The following DGKB variants were observed in gnomAD, a reference collection of about 807,000 sequenced individuals.
The protein encoded by DGKB is 90 kDa diacylglycerol kinase.
Under a neutral mutation model 114.3 loss-of-function variants are expected in DGKB, and 67 were observed. That is an observed-to-expected ratio of 0.59 (90% confidence interval 0.48 to 0.72). The LOEUF is 0.72. DGKB is among the 30% of genes least tolerant of loss of function. DGKB has a pLI of 0.00. For synonymous variants in DGKB, 398 were observed against 323.1 expected, an observed-to-expected ratio of 1.23 and a Z score of -2.49; for missense variants, 907 against 975.2, an observed-to-expected ratio of 0.93 and a Z score of 0.93.
At chr7:14,371,076 G>A (rs1307712679) in intron 21 of DGKB, among the ~76,000 whole-genome samples, 4 of 152,120 alleles carry the variant, frequency 2.6e-5, no homozygotes, top group Non-Finnish European at 5.9e-5. Context: ...CCACAGATGG[G>A]CACCTAGGTT....
intron 1 of DGKB, among the ~76,000 whole-genome samples, chr7:14,860,666 TGTTA>T (rs1372239855): frequency 6.6e-6 from 1 of 151,902 alleles, no homozygotes; most frequent in Non-Finnish European, 1.5e-5. Flanking sequence ...TGATTTTTAC[TGTTA>T]GTTAGTTATT....
chr7:14,544,001 A>C (rs12699643), intron 20 of DGKB, among the ~76,000 whole-genome samples: 20,682 of 152,240 alleles, frequency 0.14, 1,867 homozygotes, highest in Non-Finnish European at 0.2. Flanking sequence ...TGTCTTATTA[A>C]ATAAATTGTA....
chr7:14,918,009 G>A (rs760230955), intron 1 of DGKB, among the ~76,000 whole-genome samples: 1 of 151,874 alleles, frequency 6.6e-6, no homozygotes, highest in South Asian at 2.1e-4. Context: ...AAAATTATAC[G>A]ATCATATTAA....
chr7:14,861,004 A>C (rs868622656), intron 1 of DGKB, among the ~76,000 whole-genome samples: 1 of 151,960 alleles, frequency 6.6e-6, no homozygotes, highest in African/African-American at 2.4e-5. Context: ...GCTATTAATA[A>C]TCACTTTCTT....
At chr7:14,372,940 G>C (rs529562832) in intron 21 of DGKB, among the ~76,000 whole-genome samples, 2 of 152,042 alleles carry the variant, frequency 1.3e-5, no homozygotes, top group African/African-American at 4.8e-5. Context: ...CCCCTTCTGG[G>C]AGCAAGGTGG....
intron 14 of DGKB, among the ~76,000 whole-genome samples, chr7:14,624,378 T>C (rs1338370189): frequency 6.6e-6 from 1 of 152,228 alleles, no homozygotes; most frequent in African/African-American, 2.4e-5. Flanking sequence ...TGGCATTCAA[T>C]TTATAAAATG....
intron 1 of DGKB, among the ~76,000 whole-genome samples, chr7:14,917,001 T>C (rs182628054): frequency 9.5e-4 from 144 of 152,142 alleles, no homozygotes; most frequent in Middle Eastern, 3.4e-3. Flanking sequence ...AATAATAAAA[T>C]ATTTAGAAAT....
chr7:14,913,150 G>C (rs944520990), intron 1 of DGKB, among the ~76,000 whole-genome samples: 2 of 151,964 alleles, frequency 1.3e-5, no homozygotes, highest in Non-Finnish European at 2.9e-5. Flanking sequence ...TGTCCTGTCA[G>C]TACTCAAGAT....
intron 23 of DGKB, among the ~76,000 whole-genome samples, chr7:14,329,142 C>A (rs1490991016): frequency 6.6e-6 from 1 of 151,856 alleles, no homozygotes; most frequent in Admixed American, 6.6e-5. Context: ...CAATGGAACT[C>A]CAATGGCTAG....
intron 6 of DGKB, among the ~76,000 whole-genome samples, chr7:14,702,238 A>T (rs1042448315): frequency 3.9e-5 from 6 of 152,162 alleles, no homozygotes; most frequent in Non-Finnish European, 1.5e-5. Context: ...AAGGGAGGTG[A>T]TAGACACAAA....
At chr7:14,512,442 G>A (rs1371877066) in intron 20 of DGKB, among the ~76,000 whole-genome samples, 3 of 152,136 alleles carry the variant, frequency 2.0e-5, no homozygotes, top group Non-Finnish European at 4.4e-5. Context: ...AACATGTTAA[G>A]AGATAGCCTT....
intron 13 of DGKB, among the ~76,000 whole-genome samples, chr7:14,642,618 G>A (rs1185373446): frequency 6.6e-6 from 1 of 152,032 alleles, no homozygotes; most frequent in East Asian, 1.9e-4. Context: ...ATACAATCAA[G>A]CCTATAATAT....
chr7:14,791,232 T>G (rs757662521), intron 2 of DGKB, among the ~76,000 whole-genome samples: 20 of 152,180 alleles, frequency 1.3e-4, no homozygotes, highest in Non-Finnish European at 1.6e-4. Flanking sequence ...TGAATTTCAT[T>G]GTCAATATAT....
chr7:14,407,533 A>G (rs1200848216), intron 21 of DGKB, among the ~76,000 whole-genome samples: 1 of 152,080 alleles, frequency 6.6e-6, no homozygotes. Context: ...CTTCTTATTG[A>G]GAGTGACAGT....
At chr7:14,794,785 T>G (rs1357583074) in intron 2 of DGKB, among the ~76,000 whole-genome samples, 1 of 152,150 alleles carries the variant, frequency 6.6e-6, no homozygotes, top group African/African-American at 2.4e-5. Flanking sequence ...GGATAGATCC[T>G]GATGAAGCTG....
chr7:14,634,746 G>A (rs1261954347), intron 13 of DGKB, among the ~76,000 whole-genome samples: 6 of 151,408 alleles, frequency 4.0e-5, no homozygotes, highest in Non-Finnish European at 8.9e-5. Flanking sequence ...AGATAATAAA[G>A]TGTATTATCT....
intron 23 of DGKB, among the ~76,000 whole-genome samples, chr7:14,226,929 G>A (rs879897716): frequency 6.6e-6 from 1 of 151,902 alleles, no homozygotes; most frequent in East Asian, 1.9e-4. Context: ...ATTTAATGGG[G>A]GTCTCACTGT....
intron 25 of DGKB, among the ~76,000 whole-genome samples, chr7:14,175,444 C>A (rs1211870895): frequency 6.6e-6 from 1 of 152,116 alleles, no homozygotes; most frequent in Non-Finnish European, 1.5e-5. Flanking sequence ...ACCTCCTGCA[C>A]CCCCAGGAAC....
At chr7:14,554,039 A>T (rs1584773368) in intron 20 of DGKB, among the ~76,000 whole-genome samples, 1 of 151,532 alleles carries the variant, frequency 6.6e-6, no homozygotes, top group African/African-American at 2.4e-5. Flanking sequence ...CGCCCGGCTA[A>T]TTTTTGTATT....
Sources: allele counts gnomAD v4.1 joint callset (sites outside exome capture counted in the v4.1 genomes callset), GRCh38; gene constraint gnomAD v4.1.1; transcripts MANE v1.5; gene names NCBI Gene and HGNC (gene_info 2026-07-23, HGNC 2026-07-21).